OPN3: variants seen among roughly 807,000 people sequenced by gnomAD.
The protein encoded by OPN3 is opsin 3.
Under a neutral mutation model 33.8 loss-of-function variants are expected in OPN3, and 29 were observed. The observed-to-expected ratio is 0.86, with a 90% CI of 0.64 to 1.17. The LOEUF (loss-of-function observed/expected upper bound fraction) is 1.17. Ranked by LOEUF, OPN3 falls within the 50% of genes most tolerant of loss-of-function variation. The pLI is 0.00. For missense variants in OPN3, 437 were observed against 514.1 expected, an observed-to-expected ratio of 0.85 and a Z score of 1.45; for synonymous variants, 216 against 216.1, an observed-to-expected ratio of 1.00 and a Z score of 0.00.
At chr1:241,638,612 C>T (rs1476160511) in intron 1 of OPN3, among the ~76,000 whole-genome samples, 2 of 152,116 alleles carry the variant, frequency 1.3e-5, no homozygotes, top group African/African-American at 2.4e-5. Context: ...GTCGTCCATA[C>T]CACAGCCTAC....
chr1:241,638,951 T>C (rs1274340447), intron 1 of OPN3, among the ~76,000 whole-genome samples: 2 of 152,202 alleles, frequency 1.3e-5, no homozygotes, highest in African/African-American at 2.4e-5. Context: ...GAAATACACA[T>C]TTCTATTTCA....
In OPN3 at chr1:241,604,505, T is replaced by G. The variant is rs369363861; in HGVS notation, c.448A>C (p.Asn150His). 1.2e-6 allele frequency: 2 copies of G among 1,613,928 alleles called. No homozygotes were observed. The highest frequency in any genetic ancestry group is 1.7e-6 in the Non-Finnish European group (2 of 1,180,028). The change falls in exon 2 of 4, where the codon AAT (asparagine) becomes CAT (histidine). Residue 150 changes from asparagine to histidine, a missense_variant. Physicochemically the swap from Asn to His is moderately conservative, Grantham distance 68. Coordinates refer to ENST00000366554, the MANE Select transcript of OPN3 (RefSeq NM_014322.3). ...ATGGCCCTCCAGGCCCAGGAAAAAT[T>G]GATCACTCTGGCATGGACCACGCGA... ...YIRVVHARVI[N>H]FSWAWRAITY...
At chr1:241,639,710 G>A (rs1449828961) in intron 1 of OPN3, among the ~76,000 whole-genome samples, 172 bp downstream of exon 1, 7 of 151,184 alleles carry the variant, frequency 4.6e-5, no homozygotes. Flanking sequence ...ATGCGGCTGG[G>A]GTCGGGCAGC....
chr1:241,598,872 C>G (rs1026116951), intron 2 of OPN3, among the ~76,000 whole-genome samples: 2 of 152,044 alleles, frequency 1.3e-5, no homozygotes, highest in Non-Finnish European at 2.9e-5. Context: ...AATACAAATA[C>G]TCTATATATT....
chr1:241,603,992 G>A (rs1663751201), intron 2 of OPN3, among the ~76,000 whole-genome samples: 1 of 152,122 alleles, frequency 6.6e-6, no homozygotes, highest in Admixed American at 6.5e-5. Flanking sequence ...ATAATGTAGG[G>A]TTTTTTGGTT....
intron 1 of OPN3, among the ~76,000 whole-genome samples, chr1:241,609,561 C>G (rs1331004166): frequency 6.6e-6 from 1 of 152,204 alleles, no homozygotes; most frequent in Non-Finnish European, 1.5e-5. Flanking sequence ...TGGTCCTACC[C>G]TCAAGAAGAC....
chr1:241,627,379 G>A (rs1002423788), intron 1 of OPN3, among the ~76,000 whole-genome samples: 1 of 152,128 alleles, frequency 6.6e-6, no homozygotes, highest in South Asian at 2.1e-4. Context: ...CAAGCAAAGC[G>A]AAACAGTAGC....
chr1:241,636,158 G>A (rs1396110732), intron 1 of OPN3: 3 of 408,694 alleles, frequency 7.3e-6, no homozygotes, highest in Non-Finnish European at 1.3e-5. Flanking sequence ...ATCCATTGGA[G>A]TGTGACATCT....
At position 241,593,485 on chromosome 1, in the gene OPN3, G is replaced by A; in HGVS notation, c.*943C>T. The A allele has an allele frequency of 3.1e-6, 1 of 318,820 alleles. No homozygotes were observed. Among genetic ancestry groups the A allele is most frequent in the Non-Finnish European group, 7.3e-6 (1 of 136,910 alleles). The allele number at this position is 318,820 out of a possible 1,614,324, so 19.7% of individuals were successfully genotyped here. A position where few individuals can be genotyped will look rare whatever the true frequency, so the allele number is the denominator to read the frequency against. Reference sequence around the variant, plus strand: ...TGATTCAGTGTTTCTTTTCTATATTGTCAATGAAAACCTTGAGTTCTAATA... The same window carrying A: ...TGATTCAGTGTTTCTTTTCTATATTATCAATGAAAACCTTGAGTTCTAATA... On this transcript the variant is annotated 3_prime_UTR_variant, in exon 4 of 4. Transcript: ENST00000366554.
At chr1:241,603,543 A>G (rs901882327) in intron 2 of OPN3, among the ~76,000 whole-genome samples, 4 of 152,062 alleles carry the variant, frequency 2.6e-5, no homozygotes, top group Non-Finnish European at 5.9e-5. Context: ...GAACTGATCT[A>G]GGGATTTTGT....
At chr1:241,599,675 T>G (rs2147997402) in intron 2 of OPN3, among the ~76,000 whole-genome samples, 1 of 152,302 alleles carries the variant, frequency 6.6e-6, no homozygotes, top group African/African-American at 2.4e-5. Flanking sequence ...TGTGGGGTTT[T>G]GATAAAAGGT....
At chr1:241,633,442 G>C (rs1051036435) in intron 1 of OPN3, 2 of 203,602 alleles carry the variant, frequency 9.8e-6, no homozygotes, top group Non-Finnish European at 2.0e-5. Flanking sequence ...ATTACTAATT[G>C]TTCTGTAGAC....
At chr1:241,594,907 A>T (rs1663453500) in intron 3 of OPN3, 1 of 545,040 alleles carries the variant, frequency 1.8e-6, no homozygotes, top group South Asian at 2.4e-5. Flanking sequence ...AATATGTAGG[A>T]CCATTTCAAT....
intron 3 of OPN3, among the ~76,000 whole-genome samples, chr1:241,596,964 A>G (rs1385024727): frequency 6.6e-6 from 1 of 151,768 alleles, no homozygotes; most frequent in African/African-American, 2.4e-5. Context: ...AGCTGCGACT[A>G]AGGCACATGC....
chr1:241,594,894 C>T lies in OPN3; in HGVS notation c.946-203G>A, dbSNP rs969009411. ...TTTATTCATTCTAATTCTTATTAACCGGAATATGTAGGACCATTTCAATAC... is the reference window on the plus strand; with the variant it reads ...TTTATTCATTCTAATTCTTATTAACTGGAATATGTAGGACCATTTCAATAC... On this transcript the variant is annotated intron_variant, in intron 3 of 3. Coordinates refer to ENST00000366554, the MANE Select transcript of OPN3 (RefSeq NM_014322.3). 22 of 580,920 alleles carry T rather than the reference C, an allele frequency of 3.8e-5. 1 individual carries two copies. Among genetic ancestry groups the T allele is most frequent in the South Asian group, 3.5e-4 (16 of 45,264 alleles). The allele number at this position is 580,920 out of a possible 1,614,324, so 36.0% of individuals were successfully genotyped here. A position where few individuals can be genotyped will look rare whatever the true frequency, so the allele number is the denominator to read the frequency against.
At chr1:241,615,080 A>C (rs895843945) in intron 1 of OPN3, among the ~76,000 whole-genome samples, 5 of 152,214 alleles carry the variant, frequency 3.3e-5, no homozygotes, top group Admixed American at 2.0e-4. Context: ...GAGACCCAAG[A>C]AATATCCAGT....
intron 1 of OPN3, among the ~76,000 whole-genome samples, chr1:241,627,788 A>T (rs898538562): frequency 6.6e-6 from 1 of 152,168 alleles, no homozygotes; most frequent in Non-Finnish European, 1.5e-5. Context: ...AAAATCTGAA[A>T]ATTTTCAGAG....
intron 1 of OPN3, chr1:241,629,415 T>C (rs1375643561): frequency 6.6e-6 from 1 of 152,070 alleles, no homozygotes; most frequent in Non-Finnish European, 1.5e-5. Flanking sequence ...GCATTTTTAA[T>C]ATTAGGAAAT....
At chr1:241,633,172 C>G (rs1664712923) in intron 1 of OPN3, 1 of 152,192 alleles carries the variant, frequency 6.6e-6, no homozygotes, top group Admixed American at 6.5e-5. Context: ...TCATCAGTTA[C>G]AAGGGTCAAG....
Sources: allele counts gnomAD v4.1 joint callset (sites outside exome capture counted in the v4.1 genomes callset), GRCh38; gene constraint gnomAD v4.1.1; transcripts MANE v1.5; gene names NCBI Gene and HGNC (gene_info 2026-07-23, HGNC 2026-07-21).